The following MRAP2 variants were observed in gnomAD, a reference collection of about 807,000 sequenced individuals.
MRAP2 encodes the protein melanocortin 2 receptor accessory protein 2, also known as melanocortin-2 receptor accessory protein 2.
MRAP2 carries 20 observed loss-of-function variants against 17.4 expected under a neutral mutation model. The observed-to-expected ratio is 1.15, with a 90% confidence interval of 0.81 to 1.67. MRAP2 has a LOEUF of 1.67. Among genes scored for constraint, MRAP2 ranks in the 40% most tolerant of loss-of-function variants. The pLI is 0.00. For synonymous variants in MRAP2, 96 were observed against 88.4 expected (o/e 1.09, Z -0.48); for missense variants, 238 against 240.0 (o/e 0.99, Z 0.05).
intron 1 of MRAP2, among the ~76,000 whole-genome samples, chr6:84,040,689 G>A (rs58272279): frequency 0.011 from 1,680 of 152,252 alleles, 41 homozygotes; most frequent in African/African-American, 0.038. Context: ...CTGGAGCAAA[G>A]GTGACTCTTG....
At chr6:84,035,461 CA>C (rs2099485724) in intron 1 of MRAP2, 5 of 973,360 alleles carry the variant, frequency 5.1e-6, no homozygotes, top group Non-Finnish European at 6.1e-6. Context: ...CCATTGTCTT[CA>C]AATGTGGGCT....
chr6:84,082,828 CT>C (rs1209500341), intron 3 of MRAP2, among the ~76,000 whole-genome samples: 2 of 151,948 alleles, frequency 1.3e-5, no homozygotes, highest in African/African-American at 2.4e-5. Context: ...TCCTTTTTGT[CT>C]TTTTTTCCTT....
chr6:84,081,679 G>A (rs1228314272), intron 3 of MRAP2, among the ~76,000 whole-genome samples: 1 of 152,136 alleles, frequency 6.6e-6, no homozygotes, highest in Non-Finnish European at 1.5e-5. Flanking sequence ...ATTAGCCGAG[G>A]GTGGTGACAC....
intron 3 of MRAP2, among the ~76,000 whole-genome samples, chr6:84,064,695 G>A (rs917106939): frequency 2.6e-5 from 4 of 152,284 alleles, no homozygotes; most frequent in South Asian, 2.1e-4. Context: ...CACCATGTTA[G>A]CCAGGATGGT....
chr6:84,138,329 G>A, the MRAP2 span, among the ~76,000 whole-genome samples: 1 of 152,208 alleles, frequency 6.6e-6, no homozygotes, highest in African/African-American at 2.4e-5. Flanking sequence ...GAGCTCTAGA[G>A]TTGTCCAGTT....
At chr6:84,052,291 C>G (rs1029589431) in intron 1 of MRAP2, among the ~76,000 whole-genome samples, 4 of 152,218 alleles carry the variant, frequency 2.6e-5, no homozygotes, top group African/African-American at 9.6e-5. Context: ...CTGTCAGCAC[C>G]CCAGGGAGTG....
the MRAP2 span, among the ~76,000 whole-genome samples, chr6:84,115,973 G>A: frequency 5.3e-5 from 8 of 152,256 alleles, no homozygotes; most frequent in African/African-American, 1.7e-4. Flanking sequence ...GAGATCACCC[G>A]CCTTCTGCAT....
At chr6:84,094,826 G>A (rs2099502390), downstream of MRAP2, among the ~76,000 whole-genome samples, 1 of 151,820 alleles carries the variant, frequency 6.6e-6, no homozygotes, top group African/African-American at 2.4e-5. Flanking sequence ...CAAGTAGCTG[G>A]GACTACAGGT....
At chr6:84,086,657 G>A (rs191619540) in intron 3 of MRAP2, among the ~76,000 whole-genome samples, 5 of 152,242 alleles carry the variant, frequency 3.3e-5, no homozygotes, top group Admixed American at 1.3e-4. Flanking sequence ...ACATCATACT[G>A]TTGCCATACC....
At chr6:84,126,002 TGCTA>T in the MRAP2 span, among the ~76,000 whole-genome samples, 4 of 152,184 alleles carry the variant, frequency 2.6e-5, no homozygotes, top group Non-Finnish European at 4.4e-5. Flanking sequence ...ATATTACTAG[TGCTA>T]GCTATATATT....
At chr6:84,111,338 T>C in the MRAP2 span, among the ~76,000 whole-genome samples, 2 of 152,204 alleles carry the variant, frequency 1.3e-5, no homozygotes, top group East Asian at 1.9e-4. Flanking sequence ...GTAAGTTTTA[T>C]TCCTAGTTAT....
At chr6:84,111,279 C>T in the MRAP2 span, among the ~76,000 whole-genome samples, 1 of 151,994 alleles carries the variant, frequency 6.6e-6, no homozygotes, top group African/African-American at 2.4e-5. Context: ...CTCTTATTTT[C>T]TTGAGTGGTG....
At chr6:84,078,914 A>G (rs1588655857) in intron 3 of MRAP2, among the ~76,000 whole-genome samples, 2 of 152,246 alleles carry the variant, frequency 1.3e-5, no homozygotes, top group South Asian at 4.1e-4. Flanking sequence ...TTATAGCAAC[A>G]TGAAACGGAC....
chr6:84,122,394 G>A, the MRAP2 span, among the ~76,000 whole-genome samples: 8 of 146,922 alleles, frequency 5.4e-5, no homozygotes, highest in African/African-American at 2.0e-4. Context: ...GATCAAGTGG[G>A]CTTTATTCTA....
Position 84,087,276 on chromosome 6 carries a change from C to T in MRAP2, c.228-1815C>T, listed in dbSNP as rs1220484358. Among the ~76,000 whole-genome samples, 1 of 152,134 alleles carries T rather than the reference C, an allele frequency of 6.6e-6. No individual in the cohort carries two copies. Among genetic ancestry groups the T allele is most frequent in the African/African-American group, 2.4e-5 (1 of 41,420 alleles). On this transcript the variant is annotated intron_variant, in intron 3 of 3. Coordinates refer to ENST00000257776, the MANE Select transcript of MRAP2 (RefSeq NM_138409.4). ...CTACTCGAAGCAGGGAGGGGACTTCCAGGTCGTAAGTAGATAAGAGACAAT... is the reference window on the plus strand; with the variant it reads ...CTACTCGAAGCAGGGAGGGGACTTCTAGGTCGTAAGTAGATAAGAGACAAT...
chr6:84,073,657 C>G (rs946500312), intron 3 of MRAP2, among the ~76,000 whole-genome samples: 1 of 152,164 alleles, frequency 6.6e-6, no homozygotes, highest in Non-Finnish European at 1.5e-5. Flanking sequence ...GTGCCAAGCA[C>G]GGGGCTCTGG....
chr6:84,043,875 A>C (rs1175638245), intron 1 of MRAP2, among the ~76,000 whole-genome samples: 2 of 152,192 alleles, frequency 1.3e-5, no homozygotes, highest in Admixed American at 1.3e-4. Context: ...TGTGTTCAAA[A>C]CTAGTGCTCT....
chr6:84,069,356 T>C (rs1348157212), intron 3 of MRAP2, among the ~76,000 whole-genome samples: 2 of 152,194 alleles, frequency 1.3e-5, no homozygotes, highest in African/African-American at 4.8e-5. Context: ...GATGATCATG[T>C]ATTTTTGTTT....
chr6:84,071,496 T>A (rs2099496168), intron 3 of MRAP2, among the ~76,000 whole-genome samples: 1 of 152,230 alleles, frequency 6.6e-6, no homozygotes, highest in Non-Finnish European at 1.5e-5. Flanking sequence ...AATGCTTCTG[T>A]CTCACAGCTC....
Sources: allele counts gnomAD v4.1 joint callset (sites outside exome capture counted in the v4.1 genomes callset), GRCh38; gene constraint gnomAD v4.1.1; transcripts MANE v1.5; gene names NCBI Gene and HGNC (gene_info 2026-07-23, HGNC 2026-07-21).